The following SPTBN4 variants were observed in gnomAD, a reference collection of about 807,000 sequenced individuals.
SPTBN4 encodes spectrin beta, non-erythrocytic 4.
Under a neutral mutation model 277.8 loss-of-function variants are expected in SPTBN4, and 96 were observed. The observed-to-expected ratio is 0.35, with a 90% confidence interval of 0.29 to 0.41. The LOEUF is 0.41. Among genes scored for constraint, SPTBN4 ranks in the 10% least tolerant of loss-of-function variants. The probability of loss-of-function intolerance (pLI) is 1.00; values close to 1 mark genes in which losing one functional copy is unlikely to be tolerated. For missense variants in SPTBN4, 3,006 were observed against 3,595.7 expected (o/e 0.84, Z 4.19); for synonymous variants, 1,481 against 1,580.3 (o/e 0.94, Z 1.49).
chr19:40,484,081 C>CA (rs948027640), intron 2 of SPTBN4, among the ~76,000 whole-genome samples: 82 of 149,504 alleles, frequency 5.5e-4, no homozygotes, highest in Admixed American at 1.9e-3. Flanking sequence ...GACCCTGTAT[C>CA]AAAAAAAAAG....
chr19:40,564,097 G>A (rs2081069866), intron 27 of SPTBN4, among the ~76,000 whole-genome samples: 1 of 151,582 alleles, frequency 6.6e-6, no homozygotes, highest in African/African-American at 2.4e-5. Flanking sequence ...GCTCACGCCT[G>A]TAATCCCTGC....
At position 40,524,431 on chromosome 19, in the gene SPTBN4, C is replaced by T. The variant is rs146165409; in HGVS notation, c.3857+792C>T. 1,535 of 305,954 alleles carry T rather than the reference C, an allele frequency of 5.0e-3. 5 individuals are homozygous for T. Among genetic ancestry groups the T allele is most frequent in the Non-Finnish European group, 6.8e-3 (1,009 of 148,096 alleles). The allele number at this position is 305,954 out of a possible 1,614,324, so 19.0% of individuals were successfully genotyped here. ...CTGAGATGGGAGGACTGTTTGAGTC[C>T]GGGAGATTGAGGCAGCAATGAACTG... On this transcript the variant is annotated intron_variant, in intron 17 of 35. Coordinates refer to ENST00000598249, the MANE Select transcript of SPTBN4 (RefSeq NM_020971.3).
chr19:40,513,804 G>T (rs575082104), intron 14 of SPTBN4, among the ~76,000 whole-genome samples: 1 of 152,248 alleles, frequency 6.6e-6, no homozygotes, highest in South Asian at 2.1e-4. Flanking sequence ...GTTCATACAT[G>T]CAGAATACGA....
chr19:40,503,211 G>T (rs1461644057), intron 11 of SPTBN4, among the ~76,000 whole-genome samples: 4 of 151,816 alleles, frequency 2.6e-5, no homozygotes, highest in Non-Finnish European at 5.9e-5. Flanking sequence ...AGTGTTTTAA[G>T]TGACAAGGGA....
chr19:40,470,132 G>A (rs536088505), intron 1 of SPTBN4, among the ~76,000 whole-genome samples: 40 of 151,888 alleles, frequency 2.6e-4, no homozygotes, highest in Non-Finnish European at 5.2e-4. Context: ...CTGAGTAGCT[G>A]GGATTATAGG....
Position 40,575,683 on chromosome 19 carries a change from C to A in SPTBN4, c.*114C>A, listed in dbSNP as rs1372391488. ...GCCCCTAGTTCCAACACTGAGGACG[C>A]GTGACATGGTGGGCACCGGAAAGGA... On this transcript the variant is annotated 3_prime_UTR_variant, in exon 36 of 36. Transcript: ENST00000598249. The A allele has an allele frequency of 6.1e-5, 80 of 1,317,848 alleles. No individual in the cohort carries two copies. Among genetic ancestry groups the A allele is most frequent in the Non-Finnish European group, 7.4e-5 (73 of 991,890 alleles). 81.6% of individuals were successfully genotyped at this position (1,317,848 alleles called of 1,614,324 possible).
At chr19:40,553,693 G>A (rs935896015) in intron 22 of SPTBN4, among the ~76,000 whole-genome samples, 2 of 152,180 alleles carry the variant, frequency 1.3e-5, no homozygotes, top group African/African-American at 2.4e-5. Flanking sequence ...TGTTCCGCAC[G>A]CTGATCTGGG....
In SPTBN4 at chr19:40,504,148, C is replaced by CG; in HGVS notation, c.1665+20dup. On this transcript the variant is annotated intron_variant, in intron 12 of 35. Coordinates refer to ENST00000598249, the MANE Select transcript of SPTBN4 (RefSeq NM_020971.3). ...GGAGATGCAGGTGCCGGCGGGGGGGCGGGGATGCGGGTGGAGTGCCAGGAG... is the reference window on the plus strand; with the variant it reads ...GGAGATGCAGGTGCCGGCGGGGGGGCGGGGGATGCGGGTGGAGTGCCAGGAG... 1.5e-6 allele frequency: 1 copy of CG among 645,768 alleles called. No homozygotes were observed. The highest frequency in any genetic ancestry group is 2.1e-6 in the Non-Finnish European group (1 of 471,394). The allele number at this position is 645,768 out of a possible 1,614,324, so 40.0% of individuals were successfully genotyped here. A position where few individuals can be genotyped will look rare whatever the true frequency, so the allele number is the denominator to read the frequency against.
Position 40,560,621 on chromosome 19 carries a change from G to T in SPTBN4, c.5915+218G>T. On this transcript the variant is annotated intron_variant, in intron 27 of 35. Coordinates refer to ENST00000598249, the MANE Select transcript of SPTBN4 (RefSeq NM_020971.3). The surrounding 1 kb of genome is among the most constrained non-coding windows in gnomAD (Gnocchi z 5.2). ...TCGGTCATGGGGCATCCTTCTGTCC[G>T]CTGTCCTTCCCAGTTGCCTATTATT... 7.0e-7 allele frequency: 1 copy of T among 1,437,716 alleles called. No individual in the cohort carries two copies. The highest frequency in any genetic ancestry group is 1.5e-5 in the South Asian group (1 of 67,606). The allele number at this position is 1,437,716 out of a possible 1,614,324, so 89.1% of individuals were successfully genotyped here.
At position 40,564,309 on chromosome 19, in the gene SPTBN4, G is replaced by A. The variant is rs565651331; in HGVS notation, c.5916-1114G>A. 3.0e-4 allele frequency among the ~76,000 whole-genome samples: 45 copies of A among 152,272 alleles called. 1 individual carries two copies. Among genetic ancestry groups the A allele is most frequent in the African/African-American group, 1.0e-3 (42 of 41,550 alleles). ...CTAGAAGGGGGAGGTTGCAGTGAGC[G>A]GAGATCGCACCACTGCACAACAACA... On this transcript the variant is annotated intron_variant, in intron 27 of 35. Coordinates refer to ENST00000598249, the MANE Select transcript of SPTBN4 (RefSeq NM_020971.3).
At chr19:40,471,800 G>A (rs1022216807) in intron 1 of SPTBN4, among the ~76,000 whole-genome samples, 2 of 150,306 alleles carry the variant, frequency 1.3e-5, no homozygotes, top group African/African-American at 2.5e-5. Context: ...GTGCAGTGGC[G>A]CTATCTTGGC....
chr19:40,514,884 C>CA (rs1216156598), intron 14 of SPTBN4, among the ~76,000 whole-genome samples: 1 of 152,116 alleles, frequency 6.6e-6, no homozygotes, highest in Non-Finnish European at 1.5e-5. Context: ...GCAGGTGGAT[C>CA]ATATAAGATC....
At chr19:40,489,237 A>AAAGAAATT (rs2080109284) in intron 3 of SPTBN4, among the ~76,000 whole-genome samples, 1 of 148,914 alleles carries the variant, frequency 6.7e-6, no homozygotes, top group Non-Finnish European at 1.5e-5. Flanking sequence ...AAAAAGAAAG[A>AAAGAAATT]AAAAAAAGAA....
At chr19:40,548,714 C>CA (rs57692095) in intron 20 of SPTBN4, among the ~76,000 whole-genome samples, 3,664 of 116,952 alleles carry the variant, frequency 0.031, 122 homozygotes, top group African/African-American at 0.1. Flanking sequence ...GACTCCATCT[C>CA]AAAAAAAAAA....
rs199687704 is a variant in SPTBN4, at chr19:40,557,000, C to T, written c.5290-23C>T. The T allele has an allele frequency of 5.4e-5, 82 of 1,519,094 alleles. No homozygotes were observed. In the East Asian group the frequency reaches 1.6e-3, roughly 29 times the overall value. 94.1% of individuals were successfully genotyped at this position (1,519,094 alleles called of 1,614,324 possible). On this transcript the variant is annotated intron_variant, in intron 25 of 35. Coordinates refer to ENST00000598249, the MANE Select transcript of SPTBN4 (RefSeq NM_020971.3). The stretch of plus-strand genomic sequence containing the variant: ...CCCCTTTGCTCACTTTGCTGTACCC[C>T]CCCCCCCACTTCCTGATGGCAGGTG...
intron 7 of SPTBN4, among the ~76,000 whole-genome samples, chr19:40,499,292 G>A (rs571279580): frequency 1.3e-5 from 2 of 149,584 alleles, no homozygotes; most frequent in African/African-American, 2.5e-5. Context: ...TGCTTGCCTC[G>A]TCCTCCCAAA....
rs370564309 is a variant in SPTBN4, at chr19:40,570,649, C to G, written c.7240C>G (p.Pro2414Ala). 2.8e-3 allele frequency: 4,197 copies of G among 1,525,728 alleles called. 145 individuals carry two copies. The South Asian group carries it at 0.048, about 18-fold the overall frequency. The allele number at this position is 1,525,728 out of a possible 1,614,324, so 94.5% of individuals were successfully genotyped here. Residue 2414 changes from proline to alanine, a missense_variant, in exon 33 of 36, where the codon CCG (proline) becomes GCG (alanine). Physicochemically the swap from Pro to Ala is conservative, Grantham distance 27. This residue lies in a region of SPTBN4 where 630 missense variants were observed against 677.6 expected (regional missense o/e 0.93). Transcript: ENST00000598249. ...CGGCTCCGCCCCCGCGCCTCCGCCACCGCCCACTCACACAGTGCAGCACGA... is the reference window on the plus strand; with the variant it reads ...CGGCTCCGCCCCCGCGCCTCCGCCAGCGCCCACTCACACAGTGCAGCACGA... ...QGGSAPAPPPPPTHTVQHEGF... is the reference protein window; with the variant it reads ...QGGSAPAPPPAPTHTVQHEGF...
intron 25 of SPTBN4, among the ~76,000 whole-genome samples, chr19:40,556,736 G>A (rs1193721640): frequency 1.3e-5 from 2 of 152,046 alleles, no homozygotes; most frequent in African/African-American, 2.4e-5. Context: ...GACCAGCCTG[G>A]CCAACATAGT....
intron 17 of SPTBN4, among the ~76,000 whole-genome samples, chr19:40,525,320 CTTTTTT>C (rs34066431): frequency 1.5e-5 from 2 of 130,638 alleles, no homozygotes; most frequent in Non-Finnish European, 3.2e-5. Context: ...CTTTGTTCCA[CTTTTTT>C]TTTTTTTTTT....
Sources: gnomAD v4.1 joint callset for allele counts (sites outside exome capture counted in the v4.1 genomes callset) on GRCh38, gnomAD v4.1.1 for gene constraint, gnomAD v4.1.1 regional missense constraint, Gnocchi (gnomAD v3.1) non-coding constraint, MANE v1.5 for transcripts, NCBI Gene and HGNC (gene_info 2026-07-23, HGNC 2026-07-21) for gene names.